Variants in CTNNA3 observed in about 807,000 individuals in gnomAD.
The protein encoded by CTNNA3 is catenin alpha-3.
In CTNNA3, 76 loss-of-function variants were observed where a neutral mutation model predicts 95.7. The ratio of observed to expected loss-of-function variants is 0.79; its 90% CI spans 0.66 to 0.96. CTNNA3 has a LOEUF of 0.96. Ranked by LOEUF, CTNNA3 falls within the 40% of genes least tolerant of loss-of-function variation. The pLI, the probability that CTNNA3 is intolerant of heterozygous loss-of-function variation, is 0.00. For missense variants in CTNNA3, 1,191 were observed against 1,089.8 expected (o/e 1.09, Z -1.31); for synonymous variants, 431 against 374.4 (o/e 1.15, Z -1.74).
At chr10:65,939,169 T>G (rs933059681) in intron 17 of CTNNA3, among the ~76,000 whole-genome samples, 10 of 152,162 alleles carry the variant, frequency 6.6e-5, no homozygotes, top group African/African-American at 2.4e-4. Context: ...CCTCTCAAAG[T>G]GCTGGGATTA....
intron 7 of CTNNA3, among the ~76,000 whole-genome samples, chr10:66,903,584 A>T (rs542523060): frequency 6.6e-6 from 1 of 152,304 alleles, no homozygotes; most frequent in East Asian, 1.9e-4. Flanking sequence ...GAGGAAGTCA[A>T]ATTGTCCCTG....
chr10:66,853,819 A>G (rs926063632), intron 7 of CTNNA3, among the ~76,000 whole-genome samples: 1 of 152,076 alleles, frequency 6.6e-6, no homozygotes, highest in South Asian at 2.1e-4. Context: ...TCTTCTAGAT[A>G]TTGAGAAAAG....
rs144162892 is a variant in CTNNA3 at position 66,660,535 on chromosome 10, T to C, written c.1282-38751A>G. ...AAAAATCAGTGACCAACTTGTCATCTCATAAATATGTGGTTGGTTACAAAA... is the reference window on the plus strand; with the variant it reads ...AAAAATCAGTGACCAACTTGTCATCCCATAAATATGTGGTTGGTTACAAAA... On this transcript the variant is annotated intron_variant, in intron 9 of 17. Transcript: ENST00000433211. Among the ~76,000 whole-genome samples the C allele has an allele frequency of 3.9e-3, 592 of 152,290 alleles. 6 individuals are homozygous for C. The highest frequency in any genetic ancestry group is 0.013 in the African/African-American group (551 of 41,566).
intron 5 of CTNNA3, among the ~76,000 whole-genome samples, chr10:67,477,816 T>C (rs75066657): frequency 0.024 from 3,581 of 151,904 alleles, 163 homozygotes; most frequent in African/African-American, 0.082. Context: ...TCACACTAGC[T>C]CTCCAGCAAT....
intron 1 of CTNNA3, among the ~76,000 whole-genome samples, chr10:67,708,582 G>T (rs914847243): frequency 3.3e-5 from 5 of 152,114 alleles, no homozygotes; most frequent in African/African-American, 1.2e-4. Context: ...AATTTTAAAA[G>T]TAATACAGCT....
intron 5 of CTNNA3, among the ~76,000 whole-genome samples, chr10:67,494,308 T>C (rs1838956575): frequency 6.6e-6 from 1 of 152,200 alleles, no homozygotes; most frequent in African/African-American, 2.4e-5. Flanking sequence ...TTGGTTAAAC[T>C]CCCACTGGTT....
rs201140738 is a variant in CTNNA3, at chr10:67,744,512, T to C, written c.-2+18922A>G. Among the ~76,000 whole-genome samples, 12 of 151,420 alleles carry C rather than the reference T, an allele frequency of 7.9e-5. No individual in the cohort carries two copies. The East Asian group carries it at 2.3e-3, about 29-fold the overall frequency. On this transcript the variant is annotated intron_variant, in intron 1 of 17. Coordinates refer to the CTNNA3 transcript ENST00000684154. ...TATACAAAAATCAATTCAAGATGGATTAAAGACTTACATGTTAGACCTAAA... is the reference window on the plus strand; with the variant it reads ...TATACAAAAATCAATTCAAGATGGACTAAAGACTTACATGTTAGACCTAAA...
chr10:67,308,003 T>C (rs897329906), intron 5 of CTNNA3, among the ~76,000 whole-genome samples: 7 of 152,188 alleles, frequency 4.6e-5, no homozygotes, highest in African/African-American at 1.7e-4. Context: ...CATTATCTGG[T>C]CCCCATTCTC....
intron 11 of CTNNA3, among the ~76,000 whole-genome samples, chr10:66,418,759 A>G (rs182720995): frequency 3.3e-4 from 50 of 152,238 alleles, no homozygotes; most frequent in African/African-American, 1.2e-3. Flanking sequence ...CATCTACAGA[A>G]TAAGGAATAA....
intron 3 of CTNNA3, among the ~76,000 whole-genome samples, chr10:67,545,737 T>C (rs1471984006): frequency 6.6e-6 from 1 of 152,202 alleles, no homozygotes; most frequent in Non-Finnish European, 1.5e-5. Flanking sequence ...AGTTTGGTTG[T>C]GGTTTCGGTC....
At chr10:67,216,950 C>A (rs1418734607) in intron 6 of CTNNA3, among the ~76,000 whole-genome samples, 1 of 152,166 alleles carries the variant, frequency 6.6e-6, no homozygotes, top group Non-Finnish European at 1.5e-5. Context: ...TTCACACTGG[C>A]CTTTCCAATA....
intron 7 of CTNNA3, among the ~76,000 whole-genome samples, chr10:66,843,243 A>G (rs1324019860): frequency 1.3e-5 from 2 of 152,158 alleles, no homozygotes; most frequent in Non-Finnish European, 2.9e-5. Flanking sequence ...TTACGGGCTC[A>G]CGATCACAGG....
chr10:66,819,865 C>T lies in CTNNA3; in HGVS notation c.1048-44341G>A, dbSNP rs117978230. Among the ~76,000 whole-genome samples, 454 of 152,112 alleles carry T rather than the reference C, an allele frequency of 3.0e-3. 1 individual carries two copies. The highest frequency in any genetic ancestry group is 0.01 in the Middle Eastern group (3 of 294). Reference sequence around the variant, plus strand: ...TGGCCAGGATGTGGAAAATGGGAAACCTTGCACATCACTGATGGGAATGTA... The same window carrying T: ...TGGCCAGGATGTGGAAAATGGGAAATCTTGCACATCACTGATGGGAATGTA... On this transcript the variant is annotated intron_variant, in intron 7 of 17. Transcript: ENST00000433211.
chr10:66,214,323 A>G (rs900655596), intron 13 of CTNNA3, among the ~76,000 whole-genome samples: 3 of 152,222 alleles, frequency 2.0e-5, no homozygotes, highest in Non-Finnish European at 4.4e-5. Flanking sequence ...TTACATCTCC[A>G]CCTAGCATAT....
intron 13 of CTNNA3, among the ~76,000 whole-genome samples, chr10:66,137,217 G>T (rs751140403): frequency 6.6e-6 from 1 of 152,204 alleles, no homozygotes; most frequent in East Asian, 1.9e-4. Context: ...CTGCTTTGAC[G>T]TGACTCCTGT....
intron 11 of CTNNA3, among the ~76,000 whole-genome samples, chr10:66,420,835 A>AAATTAATTAATTAATT (rs1554959967): frequency 0.036 from 3,317 of 92,990 alleles, 122 homozygotes; most frequent in African/African-American, 0.12. Flanking sequence ...ATAAATAAAT[A>AAATTAATTAATTAATT]AATAAAAAAC....
chr10:67,486,830 C>T (rs1039068380), intron 5 of CTNNA3, among the ~76,000 whole-genome samples: 16 of 152,232 alleles, frequency 1.1e-4, no homozygotes, highest in Middle Eastern at 3.4e-3. Context: ...TCTCTTCTTA[C>T]CTTTCTCTTC....
intron 13 of CTNNA3, among the ~76,000 whole-genome samples, chr10:66,234,715 C>T (rs756562071): frequency 2.0e-5 from 3 of 152,124 alleles, no homozygotes; most frequent in African/African-American, 7.2e-5. Flanking sequence ...TTTAAAATGG[C>T]CCCCACAGAT....
chr10:66,838,851 C>CT (rs1842960676), intron 7 of CTNNA3, among the ~76,000 whole-genome samples: 2 of 152,176 alleles, frequency 1.3e-5, no homozygotes, highest in African/African-American at 2.4e-5. Context: ...AGTAACTAAT[C>CT]TATTACCTCA....
Sources: allele counts gnomAD v4.1 joint callset (sites outside exome capture counted in the v4.1 genomes callset), GRCh38; gene constraint gnomAD v4.1.1; transcripts MANE v1.5; gene names NCBI Gene and HGNC (gene_info 2026-07-23, HGNC 2026-07-21).